Variants in RAB3GAP1 observed in about 807,000 individuals in gnomAD.
RAB3GAP1 encodes rab3 GTPase-activating protein catalytic subunit.
A neutral mutation model predicts 130.7 loss-of-function variants in RAB3GAP1; 86 were observed. The observed-to-expected ratio is 0.66, with a 90% CI of 0.55 to 0.79. The LOEUF (loss-of-function observed/expected upper bound fraction) is 0.79, where lower values mean the gene tolerates loss of function less well. RAB3GAP1 is among the 30% of genes least tolerant of loss of function. The pLI is 0.00. For missense variants in RAB3GAP1, 1,029 were observed against 1,169.4 expected (o/e 0.88, Z 1.75); for synonymous variants, 367 against 401.7 (o/e 0.91, Z 1.03).
At chr2:135,076,700 A>G (rs1414049890) in intron 3 of RAB3GAP1, among the ~76,000 whole-genome samples, 2 of 152,360 alleles carry the variant, frequency 1.3e-5, no homozygotes, top group East Asian at 1.9e-4. Flanking sequence ...TTTTAAATGT[A>G]TAGTTCAGTG....
At chr2:135,130,761 T>A (rs1691513859) in intron 13 of RAB3GAP1, 40 bp downstream of exon 13, 2 of 1,549,314 alleles carry the variant, frequency 1.3e-6, no homozygotes, top group South Asian at 2.2e-5. Flanking sequence ...ATATGCAGAA[T>A]CATTTATTCA....
intron 3 of RAB3GAP1, among the ~76,000 whole-genome samples, chr2:135,065,667 T>A (rs1689296890): frequency 6.6e-6 from 1 of 152,200 alleles, no homozygotes; most frequent in South Asian, 2.1e-4. Context: ...GTGACAATGT[T>A]TGAGGGAGGC....
intron 3 of RAB3GAP1, among the ~76,000 whole-genome samples, chr2:135,074,204 G>A (rs1288224617): frequency 3.3e-5 from 5 of 152,200 alleles, no homozygotes; most frequent in African/African-American, 4.8e-5. Context: ...GCTGCCTTAC[G>A]TGGGAGAATT....
At chr2:135,144,278 A>T (rs893948909) in intron 17 of RAB3GAP1, among the ~76,000 whole-genome samples, 5 of 152,208 alleles carry the variant, frequency 3.3e-5, no homozygotes, top group Non-Finnish European at 5.9e-5. Flanking sequence ...TGACAGAAAC[A>T]GCTCTCAGCC....
chr2:135,081,358 ATATACACACACGTGTGTGTGTG>A (rs1262240349), intron 3 of RAB3GAP1, among the ~76,000 whole-genome samples: 10 of 86,284 alleles, frequency 1.2e-4, no homozygotes, highest in Middle Eastern at 7.9e-3. Flanking sequence ...ATATATATAT[ATATACACACACGTGTGTGTGTG>A]TATATATATA....
intron 3 of RAB3GAP1, among the ~76,000 whole-genome samples, chr2:135,060,211 G>T: frequency 6.8e-6 from 1 of 148,068 alleles, no homozygotes. Flanking sequence ...GTTTTTTTTT[G>T]GGTAAGATTT....
rs1286782817 is a variant in RAB3GAP1 at position 135,168,843 on chromosome 2, A to AAGC, written c.*62_*63insAGC. The AAGC allele has an allele frequency of 2.7e-6, 4 of 1,465,140 alleles. No homozygotes were observed. The African/African-American group carries it at 5.6e-5, about 20-fold the overall frequency. 90.8% of individuals were successfully genotyped at this position (1,465,140 alleles called of 1,614,324 possible). On this transcript the variant is annotated 3_prime_UTR_variant, in exon 24 of 24. Coordinates refer to ENST00000264158, the MANE Select transcript of RAB3GAP1 (RefSeq NM_012233.3). The stretch of plus-strand genomic sequence containing the variant: ...GTGCTGCCTCCTCCTGAGGGAGGGA[A>AAGC]GGTACCAGGGAGAACCTGGGAGGTC...
intron 15 of RAB3GAP1, among the ~76,000 whole-genome samples, chr2:135,134,246 T>C (rs543098849): frequency 1.3e-5 from 2 of 152,200 alleles, no homozygotes; most frequent in Admixed American, 6.5e-5. Flanking sequence ...AAAAGAATAG[T>C]TAAATAAATT....
In RAB3GAP1 at chr2:135,135,249, T is replaced by G; in HGVS notation, c.1500-16T>G. On this transcript the variant is annotated splice_polypyrimidine_tract_variant and intron_variant, in intron 15 of 23. Transcript: ENST00000264158. ...ACTAAAACTAAGCTTTCTTTTCTCC[T>G]TACTTTATTTGATAGATTAGCAAGT... is the stretch of plus-strand genomic sequence containing the variant. 1.2e-6 allele frequency: 2 copies of G among 1,600,008 alleles called. No individual in the cohort carries two copies. Among genetic ancestry groups the G allele is most frequent in the South Asian group, 2.2e-5 (2 of 90,796 alleles).
chr2:135,055,144 A>G (rs564294086), intron 2 of RAB3GAP1, among the ~76,000 whole-genome samples: 1 of 152,334 alleles, frequency 6.6e-6, no homozygotes, highest in African/African-American at 2.4e-5. Flanking sequence ...ATCAAGTAAT[A>G]CAAGTCTGTA....
intron 7 of RAB3GAP1, among the ~76,000 whole-genome samples, chr2:135,117,594 G>GCTTCTTCTTCTT (rs1691038567): frequency 1.9e-3 from 37 of 19,016 alleles, no homozygotes; most frequent in African/African-American, 3.5e-3. Flanking sequence ...TTCTTCTTCT[G>GCTTCTTCTTCTT]CTGCTTCTTC....
intron 3 of RAB3GAP1, among the ~76,000 whole-genome samples, chr2:135,062,115 T>G (rs1574075833): frequency 6.6e-6 from 1 of 152,138 alleles, no homozygotes; most frequent in Admixed American, 6.5e-5. Flanking sequence ...CCTGCCACCA[T>G]GTTGGCCAGG....
intron 5 of RAB3GAP1, among the ~76,000 whole-genome samples, chr2:135,103,431 C>G (rs956837665): frequency 6.6e-6 from 1 of 152,078 alleles, no homozygotes; most frequent in Non-Finnish European, 1.5e-5. Context: ...TAGACTAGCC[C>G]TAAGGACCTG....
intron 23 of RAB3GAP1, among the ~76,000 whole-genome samples, chr2:135,165,986 A>G (rs1438702859): frequency 2.0e-5 from 3 of 152,142 alleles, no homozygotes; most frequent in South Asian, 2.1e-4. Flanking sequence ...AGCCTGGCCA[A>G]TGTGGTGAAA....
Position 135,116,387 on chromosome 2 carries a change from C to T in RAB3GAP1, c.648+1006C>T, listed in dbSNP as rs182265370. On this transcript the variant is annotated intron_variant, in intron 7 of 23. Transcript: ENST00000264158. ...GTAAATCAAAACATGAGGAAGCAAT[C>T]ACATATTTTCAAAGTGAGCCATGTT... Among the ~76,000 whole-genome samples, 110 of 152,140 alleles carry T rather than the reference C, an allele frequency of 7.2e-4. 1 individual carries two copies. The South Asian group carries it at 7.7e-3, about 11-fold the overall frequency.
At chr2:135,057,293 G>T (rs1279859604) in intron 2 of RAB3GAP1, among the ~76,000 whole-genome samples, 8 of 151,832 alleles carry the variant, frequency 5.3e-5, no homozygotes, top group African/African-American at 1.9e-4. Flanking sequence ...TTCTTTTTTT[G>T]TTGGGGGCTG....
chr2:135,126,299 A>G (rs549163455), intron 10 of RAB3GAP1, 50 bp downstream of exon 10: 2 of 1,345,344 alleles, frequency 1.5e-6, no homozygotes, highest in Non-Finnish European at 2.1e-6. Context: ...ACTTCAGTAG[A>G]ATAACTCTCA....
intron 5 of RAB3GAP1, among the ~76,000 whole-genome samples, chr2:135,099,165 AG>A (rs1690382320): frequency 1.3e-5 from 2 of 152,022 alleles, no homozygotes; most frequent in African/African-American, 4.8e-5. Flanking sequence ...TGTTAGCTGT[AG>A]GTTTTTTCGT....
At chr2:135,172,428 C>G (rs1692879695), downstream of RAB3GAP1, among the ~76,000 whole-genome samples, 2 of 144,740 alleles carry the variant, frequency 1.4e-5, no homozygotes, top group African/African-American at 5.1e-5. Context: ...GAGTGAGACT[C>G]TGTCTCAAAA....
Sources: allele counts gnomAD v4.1 joint callset (sites outside exome capture counted in the v4.1 genomes callset), GRCh38; gene constraint gnomAD v4.1.1; transcripts MANE v1.5; gene names NCBI Gene and HGNC (gene_info 2026-07-23, HGNC 2026-07-21).